The following UBQLN4 variants were observed in gnomAD, a reference collection of about 807,000 sequenced individuals.
UBQLN4 encodes ubiquilin 4.
UBQLN4 carries 11 observed loss-of-function variants against 60.4 expected under a neutral mutation model. The observed-to-expected ratio is 0.18, with a 90% CI of 0.11 to 0.30. UBQLN4 has a LOEUF of 0.30. Among genes scored for constraint, UBQLN4 ranks in the 10% least tolerant of loss-of-function variants. UBQLN4 has a pLI of 1.00. For synonymous variants in UBQLN4, 258 were observed against 313.1 expected (o/e 0.82, Z 1.86); for missense variants, 417 against 795.5 (o/e 0.52, Z 5.72).
At position 156,053,607 on chromosome 1, in the gene UBQLN4, G is replaced by A. The variant is rs770459405; in HGVS notation, c.95C>T (p.Ala32Val). The A allele has an allele frequency of 1.5e-4, 210 of 1,370,298 alleles. No homozygotes were observed. Among genetic ancestry groups the A allele is most frequent in the Non-Finnish European group, 1.9e-4 (199 of 1,052,880 alleles). 84.9% of individuals were successfully genotyped at this position (1,370,298 alleles called of 1,614,324 possible). A position where few individuals can be genotyped will look rare whatever the true frequency, so the allele number is the denominator to read the frequency against. Reference sequence around the variant, plus strand: ...CTGCTGTACTACCTCCTTGACCGAGGCTCGATCGCAGATCACAATTTCCTC... The same window carrying A: ...CTGCTGTACTACCTCCTTGACCGAGACTCGATCGCAGATCACAATTTCCTC... ...DKEEIVICDR[A>V]SVKEFKEEIS... Residue 32 changes from alanine to valine, a missense_variant, in exon 1 of 11, where the codon GCC (alanine) becomes GTC (valine). Coordinates refer to ENST00000368309, the MANE Select transcript of UBQLN4 (RefSeq NM_020131.5).
In UBQLN4 at chr1:156,050,309, G is replaced by C; in HGVS notation, c.723C>G (p.Asn241Lys). The change falls in exon 4 of 11, where the codon AAC (asparagine) becomes AAG (lysine). Residue 241 changes from asparagine to lysine, a missense_variant. Physicochemically the swap from Asn to Lys is moderately conservative, Grantham distance 94. Coordinates refer to ENST00000368309, the MANE Select transcript of UBQLN4 (RefSeq NM_020131.5). The surrounding 1 kb of genome is among the most constrained non-coding windows in gnomAD (Gnocchi z 4.6). ...RNPEISHMLNNPELMRQTMEL... is the reference protein window; with the variant it reads ...RNPEISHMLNKPELMRQTMEL... Reference sequence around the variant, plus strand: ...TACTCACCTGCCTCATGAGTTCAGGGTTATTGAGCATGTGGCTGATCTCAG... The same window carrying C: ...TACTCACCTGCCTCATGAGTTCAGGCTTATTGAGCATGTGGCTGATCTCAG... 1 of 1,590,024 alleles carries C rather than the reference G, an allele frequency of 6.3e-7. No homozygotes were observed. The highest frequency in any genetic ancestry group is 8.6e-7 in the Non-Finnish European group (1 of 1,164,912).
chr1:156,051,429 G>A (rs1683867853), intron 2 of UBQLN4, 102 bp from the exon 3 acceptor site: 1 of 1,412,086 alleles, frequency 7.1e-7, no homozygotes, highest in East Asian at 2.5e-5. Context: ...TTTAACCCAA[G>A]ACCCCTCCTG....
intron 10 of UBQLN4, 26 bp downstream of exon 10, chr1:156,041,459 G>T (rs938736247): frequency 2.0e-6 from 3 of 1,518,576 alleles, no homozygotes; most frequent in Admixed American, 2.1e-5. Flanking sequence ...GGTGCTCCCA[G>T]CACCTGCCCC....
chr1:156,041,511 G>C lies in UBQLN4; in HGVS notation c.1627C>G (p.Leu543Val), dbSNP rs1329117487. Residue 543 changes from leucine (L) to valine (V), a missense_variant, in exon 10 of 11, where the codon CTT (leucine) becomes GTT (valine). Leu to Val is a conservative substitution (Grantham distance 32). Transcript: ENST00000368309. ...TGTGAGTTTCCACTTCCAGCCAAAA[G>C]CTGGATCATCTGCTGCATGAGTTGC... ...QQQLMQQMIQLLAGSGNSQVQ... is the reference protein window; with the variant it reads ...QQQLMQQMIQVLAGSGNSQVQ... 1.2e-6 allele frequency: 2 copies of C among 1,607,284 alleles called. No homozygotes were observed. The highest frequency in any genetic ancestry group is 2.1e-4 in the Middle Eastern group (1 of 4,810).
At chr1:156,039,846 AG>A (rs2102741052) in intron 10 of UBQLN4, among the ~76,000 whole-genome samples, 1 of 147,362 alleles carries the variant, frequency 6.8e-6, no homozygotes, top group East Asian at 2.2e-4. Context: ...CTGAGGCAGG[AG>A]AATGGCCTAA....
At position 156,036,963 on chromosome 1, in the gene UBQLN4, G is replaced by A. The variant is rs1683418927; in HGVS notation, c.*15C>T. On this transcript the variant is annotated 3_prime_UTR_variant, in exon 11 of 11. Transcript: ENST00000368309. ...CATCGAGGGAGGGGAGAGGCAGGAG[G>A]CATGGGCCGAGGGATTAGGAGAGCT... 1 of 1,612,356 alleles carries A rather than the reference G, an allele frequency of 6.2e-7. No individual in the cohort carries two copies. Among genetic ancestry groups the A allele is most frequent in the Admixed American group, 1.7e-5 (1 of 59,818 alleles).
chr1:156,034,288 T>G (rs1163642008), downstream of UBQLN4, among the ~76,000 whole-genome samples: 1 of 137,932 alleles, frequency 7.2e-6, no homozygotes, highest in Non-Finnish European at 1.5e-5. Context: ...GCAAGAGTTT[T>G]TGTTTTACTT....
At chr1:156,041,694 G>A (rs1241144875) in intron 9 of UBQLN4, 23 bp from the exon 10 acceptor site, 3 of 1,491,818 alleles carry the variant, frequency 2.0e-6, no homozygotes, top group Non-Finnish European at 2.7e-6. Flanking sequence ...GAGACCAAGA[G>A]GTAGGAGATG....
intron 6 of UBQLN4, among the ~76,000 whole-genome samples, chr1:156,043,438 T>C (rs1380630571): frequency 6.6e-6 from 1 of 152,134 alleles, no homozygotes; most frequent in African/African-American, 2.4e-5. Context: ...TTCCAGTCCT[T>C]ACTTTACAAA....
intron 5 of UBQLN4, among the ~76,000 whole-genome samples, chr1:156,047,388 C>A (rs1350419131): frequency 6.6e-6 from 1 of 151,660 alleles, no homozygotes; most frequent in Non-Finnish European, 1.5e-5. Context: ...GGACTACAGG[C>A]ATGTGCCATC....
In UBQLN4 at chr1:156,051,102, G is replaced by C. The variant is rs562188379; in HGVS notation, c.478+8C>G. On this transcript the variant is annotated splice_region_variant and intron_variant, in intron 3 of 10. Transcript: ENST00000368309. ...AACAAGATTGTGCTCTCCTCTCTGA[G>C]GGCTTACAGAGTATGGACGCAGTAG... 1 of 1,612,346 alleles carries C rather than the reference G, an allele frequency of 6.2e-7. No homozygotes were observed. The highest frequency in any genetic ancestry group is 1.3e-5 in the African/African-American group (1 of 74,880).
At chr1:156,043,631 C>T (rs1259609252) in intron 6 of UBQLN4, among the ~76,000 whole-genome samples, 2 of 152,102 alleles carry the variant, frequency 1.3e-5, no homozygotes, top group African/African-American at 4.8e-5. Context: ...CATGGCAAGC[C>T]CTGCACATCC....
intron 7 of UBQLN4, 105 bp from the exon 8 acceptor site, chr1:156,042,341 G>A: frequency 2.1e-6 from 3 of 1,453,900 alleles, no homozygotes; most frequent in Admixed American, 3.0e-5. Flanking sequence ...AGGAAATCTG[G>A]CCAGCTTCTC....
At chr1:156,032,734 G>T (rs72708244), downstream of UBQLN4, among the ~76,000 whole-genome samples, 372 of 152,156 alleles carry the variant, frequency 2.4e-3, 2 homozygotes, top group South Asian at 0.018. Context: ...GCGGCACTTC[G>T]CCTCTCCGCC....
chr1:156,038,325 G>C (rs758769120), intron 10 of UBQLN4, among the ~76,000 whole-genome samples: 17 of 151,706 alleles, frequency 1.1e-4, no homozygotes, highest in Non-Finnish European at 2.2e-4. Flanking sequence ...GCAGTGAGCT[G>C]AAATTGCGCC....
rs113864347 is a variant in UBQLN4 at position 156,047,696 on chromosome 1, T to C, written c.900+805A>G. On this transcript the variant is annotated intron_variant, in intron 5 of 10. Coordinates refer to ENST00000368309, the MANE Select transcript of UBQLN4 (RefSeq NM_020131.5). ...GGATCATGAGGTCAGGAGATCAAGA[T>C]CATCCTGGCTAACATGGTGAAACCC... Among the ~76,000 whole-genome samples the C allele has an allele frequency of 5.9e-3, 894 of 150,400 alleles. 15 individuals are homozygous for C. Among genetic ancestry groups the C allele is most frequent in the African/African-American group, 0.02 (804 of 41,110 alleles).
At chr1:156,033,335 T>A, downstream of UBQLN4, 1 of 976,928 alleles carries the variant, frequency 1.0e-6, no homozygotes, top group Non-Finnish European at 1.2e-6. Flanking sequence ...AAGCACATTT[T>A]ATTTTTGTGA....
chr1:156,050,799 C>T lies in UBQLN4; in HGVS notation c.479-246G>A, dbSNP rs900684956. On this transcript the variant is annotated intron_variant, in intron 3 of 10. Coordinates refer to ENST00000368309, the MANE Select transcript of UBQLN4 (RefSeq NM_020131.5). This position sits in a 1 kb window ranked among gnomAD's most constrained non-coding sequence, Gnocchi z 4.6. ...AGCAATGGTCTGTTGAATGAGTGGC[C>T]CATGTGGCTACTGCTGGATCCAACT... Among the ~76,000 whole-genome samples, 3 of 152,170 alleles carry T rather than the reference C, an allele frequency of 2.0e-5. No individual in the cohort carries two copies. The highest frequency in any genetic ancestry group is 4.4e-5 in the Non-Finnish European group (3 of 68,030).
chr1:156,035,316 C>T lies in UBQLN4; in HGVS notation c.*1662G>A, dbSNP rs985114055. On this transcript the variant is annotated 3_prime_UTR_variant, in exon 11 of 11. Coordinates refer to ENST00000368309, the MANE Select transcript of UBQLN4 (RefSeq NM_020131.5). ...CAACACACTCTCACAACAAAGACCA[C>T]GCCATTTATTTACAAAGGCCAGTGT... The T allele has an allele frequency of 1.1e-5, 11 of 985,348 alleles. No individual in the cohort carries two copies. The highest frequency in any genetic ancestry group is 1.1e-4 in the East Asian group (1 of 8,950). 61.0% of individuals were successfully genotyped at this position (985,348 alleles called of 1,614,324 possible). A position where few individuals can be genotyped will look rare whatever the true frequency, so the allele number is the denominator to read the frequency against.
Sources: gnomAD v4.1 joint callset for allele counts (sites outside exome capture counted in the v4.1 genomes callset) on GRCh38, gnomAD v4.1.1 for gene constraint, Gnocchi (gnomAD v3.1) non-coding constraint, MANE v1.5 for transcripts, NCBI Gene and HGNC (gene_info 2026-07-23, HGNC 2026-07-21) for gene names.